The following TLN2 variants were observed in gnomAD, a reference collection of about 807,000 sequenced individuals.
TLN2 encodes the protein talin-2.
In TLN2, 118 loss-of-function variants were observed where a neutral mutation model predicts 294.7. That is an observed-to-expected ratio of 0.40 (90% CI 0.34 to 0.47). The LOEUF is 0.47. Ranked by LOEUF, TLN2 falls within the 20% of genes least tolerant of loss-of-function variation. The pLI, the probability that TLN2 is intolerant of heterozygous loss-of-function variation, is 0.84. For synonymous variants in TLN2, 1,431 were observed against 1,304.5 expected (o/e 1.10, Z -2.09); for missense variants, 3,083 against 3,282.2 (o/e 0.94, Z 1.48).
At position 62,786,241 on chromosome 15, in the gene TLN2, G is replaced by A. The variant is rs572241721; in HGVS notation, c.5736+2351G>A. Among the ~76,000 whole-genome samples, 3 of 152,338 alleles carry A rather than the reference G, an allele frequency of 2.0e-5. No individual in the cohort carries two copies. The East Asian group carries it at 5.8e-4, about 29-fold the overall frequency. ...CCAAGAGGGCCCCCTATCACAACAT[G>A]TGAAAATATTTATATCCAGGGGAAA... On this transcript the variant is annotated intron_variant, in intron 45 of 58. Coordinates refer to ENST00000636159, the MANE Select transcript of TLN2 (RefSeq NM_015059.3).
chr15:62,797,916 G>A (rs1033511139), intron 48 of TLN2, among the ~76,000 whole-genome samples: 5 of 152,188 alleles, frequency 3.3e-5, no homozygotes, highest in East Asian at 3.8e-4. Context: ...CCAGGGAGTC[G>A]GGGCAGAGCC....
chr15:62,597,724 A>C (rs1481763643), intron 2 of TLN2, among the ~76,000 whole-genome samples: 3 of 152,306 alleles, frequency 2.0e-5, no homozygotes, highest in South Asian at 4.1e-4. Flanking sequence ...GATTTTTGGA[A>C]TATTTACATA....
chr15:62,543,772 T>C (rs1334618035), intron 1 of TLN2, among the ~76,000 whole-genome samples: 1 of 144,728 alleles, frequency 6.9e-6, no homozygotes, highest in Non-Finnish European at 1.5e-5. Flanking sequence ...AAAAAAAAGA[T>C]GGAGCTCTAA....
At chr15:62,420,465 C>T (rs1333839901) in intron 1 of TLN2, among the ~76,000 whole-genome samples, 1 of 151,682 alleles carries the variant, frequency 6.6e-6, no homozygotes, top group African/African-American at 2.4e-5. Context: ...GGCGTGGTCT[C>T]GGCTCACTGC....
chr15:62,755,610 G>A lies in TLN2; in HGVS notation c.4555G>A (p.Ala1519Thr). ...CTGCCGCATCGCCTCATCCAAGACG[G>A]CCAACCCAGTAGCCAAGAGGCACTT... Reference protein sequence around the residue: ...NACRIASSKTANPVAKRHFVQ... With the variant: ...NACRIASSKTTNPVAKRHFVQ... The change falls in exon 37 of 59, where the codon GCC becomes ACC. Residue 1519 changes from alanine (A) to threonine (T), a missense_variant. Physicochemically the swap from Ala to Thr is moderately conservative, Grantham distance 58 (BLOSUM62 0). Transcript: ENST00000636159. 3.1e-6 allele frequency: 5 copies of A among 1,614,154 alleles called. No individual in the cohort carries two copies. Among genetic ancestry groups the A allele is most frequent in the Non-Finnish European group, 4.2e-6 (5 of 1,180,008 alleles).
chr15:62,485,180 A>G (rs143661043), intron 1 of TLN2, among the ~76,000 whole-genome samples: 1 of 152,304 alleles, frequency 6.6e-6, no homozygotes, highest in Non-Finnish European at 1.5e-5. Flanking sequence ...TTGGGCACCT[A>G]GATTGTCCAG....
At chr15:62,506,872 C>G (rs139700016) in intron 1 of TLN2, among the ~76,000 whole-genome samples, 33 of 152,320 alleles carry the variant, frequency 2.2e-4, no homozygotes, top group African/African-American at 7.7e-4. Flanking sequence ...ACCAGGAAAG[C>G]AGAATGCTTC....
intron 1 of TLN2, among the ~76,000 whole-genome samples, chr15:62,559,339 T>A (rs892253367): frequency 6.6e-6 from 1 of 152,216 alleles, no homozygotes; most frequent in Non-Finnish European, 1.5e-5. Context: ...GGATGTGGAC[T>A]GAGCCTAGAG....
At chr15:62,432,048 A>G (rs894056717) in intron 1 of TLN2, among the ~76,000 whole-genome samples, 2 of 152,246 alleles carry the variant, frequency 1.3e-5, no homozygotes, top group Non-Finnish European at 2.9e-5. Flanking sequence ...CTTGTGACTC[A>G]GAATCATAGC....
intron 31 of TLN2, among the ~76,000 whole-genome samples, chr15:62,739,775 C>T (rs1013545318): frequency 1.1e-4 from 17 of 152,156 alleles, no homozygotes; most frequent in African/African-American, 3.1e-4. Flanking sequence ...ACTTCTCCCA[C>T]GATCCTCCAG....
rs77532528 is a variant in TLN2 at position 62,430,499 on chromosome 15, G to A, written c.-238+39814G>A. ...ATTACCCTTAATCTGGATTATTTGC[G>A]AGGTAGCAATTTTTGTTAGGAGGAG... On this transcript the variant is annotated intron_variant, in intron 1 of 58. Transcript: ENST00000636159. 9.4e-3 allele frequency among the ~76,000 whole-genome samples: 1,429 copies of A among 152,224 alleles called. 22 individuals carry two copies. The highest frequency in any genetic ancestry group is 0.033 in the African/African-American group (1,354 of 41,510).
rs146698834 is a variant in TLN2, at chr15:62,429,496, C to A, written c.-238+38811C>A. Among the ~76,000 whole-genome samples the A allele has an allele frequency of 4.8e-4, 73 of 152,254 alleles. No individual in the cohort carries two copies. The East Asian group carries it at 0.01, about 21-fold the overall frequency. ...ACCTGTCTTGGCCAGGGTTTAGTTA[C>A]CCCCTCTAATTTTTTGGCATGCTGG... On this transcript the variant is annotated intron_variant, in intron 1 of 58. Coordinates refer to ENST00000636159, the MANE Select transcript of TLN2 (RefSeq NM_015059.3).
chr15:62,793,947 A>G (rs1184009064), intron 46 of TLN2, among the ~76,000 whole-genome samples: 2 of 151,870 alleles, frequency 1.3e-5, no homozygotes, highest in Non-Finnish European at 2.9e-5. Flanking sequence ...GCCTTCTCCC[A>G]TAGCCCACAG....
intron 52 of TLN2, among the ~76,000 whole-genome samples, chr15:62,812,807 G>T (rs1428562647): frequency 6.6e-6 from 1 of 152,186 alleles, no homozygotes; most frequent in African/African-American, 2.4e-5. Flanking sequence ...CCGAGGGGCG[G>T]GCGGGCAGAT....
At chr15:62,403,278 C>T (rs1256330843) in intron 1 of TLN2, among the ~76,000 whole-genome samples, 1 of 152,076 alleles carries the variant, frequency 6.6e-6, no homozygotes, top group Non-Finnish European at 1.5e-5. Context: ...GACCCTGTGT[C>T]CTAGTCTGCT....
intron 2 of TLN2, among the ~76,000 whole-genome samples, chr15:62,605,986 G>A (rs1040479339): frequency 9.9e-5 from 15 of 152,214 alleles, no homozygotes; most frequent in Admixed American, 8.5e-4. Flanking sequence ...AGGTAGTAGT[G>A]TTACACCAGT....
At chr15:62,528,331 G>C (rs532805442) in intron 1 of TLN2, among the ~76,000 whole-genome samples, 4 of 152,304 alleles carry the variant, frequency 2.6e-5, no homozygotes, top group Admixed American at 6.5e-5. Flanking sequence ...TTACAGATCA[G>C]ATTAAGGTGA....
rs146829125 is a variant in TLN2 at position 62,789,961 on chromosome 15, C to T, written c.5737-2680C>T. ...GAGTGTGGTCTTGGCCAAATGGGAACCCCTTGGGGGCCACCGGTGCTTTGC... is the reference window on the plus strand; with the variant it reads ...GAGTGTGGTCTTGGCCAAATGGGAATCCCTTGGGGGCCACCGGTGCTTTGC... On this transcript the variant is annotated intron_variant, in intron 45 of 58. Coordinates refer to ENST00000636159, the MANE Select transcript of TLN2 (RefSeq NM_015059.3). Among the ~76,000 whole-genome samples the T allele has an allele frequency of 1.2e-3, 188 of 152,304 alleles. 3 individuals carry two copies. The highest frequency in any genetic ancestry group is 4.4e-3 in the African/African-American group (182 of 41,560).
rs771543084 is a variant in TLN2, at chr15:62,717,618, G to T, written c.2806G>T (p.Ala936Ser). 1 of 1,602,856 alleles carries T rather than the reference G, an allele frequency of 6.2e-7. No individual in the cohort carries two copies. The highest frequency in any genetic ancestry group is 1.1e-5 in the South Asian group (1 of 88,808). ...QAAAAATQTIAASQNAAVSNK... is the reference protein window; with the variant it reads ...QAAAAATQTISASQNAAVSNK... Reference sequence around the variant, plus strand: ...CGCAGCGGCAGCCACACAGACCATCGCCGCCTCCCAGAATGCAGCTGTTTC... The same window carrying T: ...CGCAGCGGCAGCCACACAGACCATCTCCGCCTCCCAGAATGCAGCTGTTTC... The change falls in exon 24 of 59, where the codon GCC becomes TCC. Residue 936 changes from alanine (A) to serine (S), a missense_variant. By Grantham distance (99) the Ala-to-Ser change is moderately conservative. Coordinates refer to ENST00000636159, the MANE Select transcript of TLN2 (RefSeq NM_015059.3).
Sources: allele counts gnomAD v4.1 joint callset (sites outside exome capture counted in the v4.1 genomes callset), GRCh38; gene constraint gnomAD v4.1.1; transcripts MANE v1.5; gene names NCBI Gene and HGNC (gene_info 2026-07-23, HGNC 2026-07-21).